NKAIN2: variants seen among roughly 807,000 people sequenced by gnomAD.
The protein encoded by NKAIN2 is sodium/potassium-transporting ATPase subunit beta-1-interacting protein 2.
In NKAIN2, 14 loss-of-function variants were observed where a neutral mutation model predicts 32.6. The observed-to-expected ratio is 0.43, with a 90% CI of 0.28 to 0.67. The LOEUF is 0.67. Among genes scored for constraint, NKAIN2 ranks in the 30% least tolerant of loss-of-function variants. NKAIN2 has a pLI of 0.17. For missense variants in NKAIN2, 198 were observed against 258.3 expected (o/e 0.77, Z 1.60); for synonymous variants, 80 against 87.2 (o/e 0.92, Z 0.46).
intron 2 of NKAIN2, among the ~76,000 whole-genome samples, chr6:124,322,842 G>A (rs371532763): frequency 4.6e-5 from 7 of 152,060 alleles, no homozygotes; most frequent in Non-Finnish European, 1.0e-4. Context: ...TTAAGAAACT[G>A]CCAAATTACT....
chr6:123,940,732 C>G (rs927177548), intron 1 of NKAIN2, among the ~76,000 whole-genome samples: 1 of 151,888 alleles, frequency 6.6e-6, no homozygotes, highest in African/African-American at 2.4e-5. Flanking sequence ...TAGGACTGGA[C>G]GTTGCTTTGA....
intron 5 of NKAIN2, among the ~76,000 whole-genome samples, chr6:124,807,731 A>T (rs1368976869): frequency 1.3e-5 from 2 of 151,840 alleles, no homozygotes; most frequent in Non-Finnish European, 2.9e-5. Context: ...AACAAAATTG[A>T]TAGACCGCTA....
intron 4 of NKAIN2, among the ~76,000 whole-genome samples, chr6:124,734,638 A>G (rs563942690): frequency 2.6e-5 from 4 of 152,032 alleles, no homozygotes; most frequent in Admixed American, 2.6e-4. Flanking sequence ...AGACACTCCA[A>G]GAGTAGGTAG....
At chr6:124,458,044 C>G (rs889523513) in intron 3 of NKAIN2, among the ~76,000 whole-genome samples, 1 of 151,852 alleles carries the variant, frequency 6.6e-6, no homozygotes, top group Non-Finnish European at 1.5e-5. Flanking sequence ...CTGATAGCCT[C>G]TAAACTGAAA....
chr6:124,534,165 A>G (rs1229532844), intron 3 of NKAIN2, among the ~76,000 whole-genome samples: 1 of 150,436 alleles, frequency 6.6e-6, no homozygotes, highest in Non-Finnish European at 1.5e-5. Flanking sequence ...TTTGGGGGGC[A>G]TTGGGGGACA....
intron 1 of NKAIN2, among the ~76,000 whole-genome samples, chr6:124,235,324 A>C (rs904453225): frequency 3.3e-5 from 5 of 152,164 alleles, no homozygotes; most frequent in Non-Finnish European, 7.3e-5. Context: ...TCATGTCTCC[A>C]TACAGAGTAA....
intron 1 of NKAIN2, among the ~76,000 whole-genome samples, chr6:123,883,222 G>T (rs948234481): frequency 6.6e-6 from 1 of 152,046 alleles, no homozygotes; most frequent in Non-Finnish European, 1.5e-5. Context: ...TCGGCTCACT[G>T]CAAGCTCCGC....
intron 1 of NKAIN2, among the ~76,000 whole-genome samples, chr6:124,240,677 CT>C (rs1793037162): frequency 6.6e-6 from 1 of 151,966 alleles, no homozygotes; most frequent in South Asian, 2.1e-4. Flanking sequence ...CAGAAAAGGC[CT>C]TCAAAAAAAT....
chr6:124,673,766 A>G (rs570379850), intron 4 of NKAIN2, among the ~76,000 whole-genome samples: 1 of 151,850 alleles, frequency 6.6e-6, no homozygotes, highest in South Asian at 2.1e-4. Context: ...GAGGTTTATC[A>G]TATATTTTAG....
At chr6:124,133,508 A>G (rs998217318) in intron 1 of NKAIN2, among the ~76,000 whole-genome samples, 38 of 152,262 alleles carry the variant, frequency 2.5e-4, no homozygotes, top group Middle Eastern at 6.8e-3. Flanking sequence ...ACATCTACCC[A>G]CCTGCCTTAG....
chr6:124,448,848 T>C (rs1381389415), intron 3 of NKAIN2, among the ~76,000 whole-genome samples: 3 of 152,132 alleles, frequency 2.0e-5, no homozygotes, highest in Non-Finnish European at 4.4e-5. Flanking sequence ...ATTTAAATTA[T>C]CAGTTCCTGT....
intron 4 of NKAIN2, among the ~76,000 whole-genome samples, chr6:124,702,671 C>T (rs1036205013): frequency 6.6e-6 from 1 of 152,032 alleles, no homozygotes; most frequent in Non-Finnish European, 1.5e-5. Context: ...ATTGTTCTTT[C>T]TCCATTAAAT....
intron 1 of NKAIN2, among the ~76,000 whole-genome samples, chr6:124,047,317 G>T (rs989488104): frequency 2.5e-4 from 38 of 151,894 alleles, no homozygotes; most frequent in African/African-American, 8.9e-4. Context: ...TAGGTAATCT[G>T]CAAATCTCAT....
At chr6:124,241,473 C>A (rs372855893) in intron 1 of NKAIN2, among the ~76,000 whole-genome samples, 3 of 152,088 alleles carry the variant, frequency 2.0e-5, no homozygotes, top group East Asian at 3.9e-4. Flanking sequence ...GGAGGCATCA[C>A]GCTACCTGAC....
chr6:124,619,011 A>C (rs1339138896), intron 3 of NKAIN2, among the ~76,000 whole-genome samples: 2 of 152,062 alleles, frequency 1.3e-5, no homozygotes, highest in Non-Finnish European at 2.9e-5. Flanking sequence ...AAGACACTAA[A>C]TCTAAGGTTT....
At chr6:124,199,956 A>G (rs1209290859) in intron 1 of NKAIN2, among the ~76,000 whole-genome samples, 2 of 152,148 alleles carry the variant, frequency 1.3e-5, no homozygotes, top group African/African-American at 4.8e-5. Flanking sequence ...TATAAATGTT[A>G]TTGTTTGACA....
At chr6:123,912,110 C>G (rs1363469364) in intron 1 of NKAIN2, among the ~76,000 whole-genome samples, 1 of 151,584 alleles carries the variant, frequency 6.6e-6, no homozygotes, top group Non-Finnish European at 1.5e-5. Context: ...ACACCAATTT[C>G]CATGTTTTAC....
At chr6:124,177,195 A>G (rs1043821145) in intron 1 of NKAIN2, among the ~76,000 whole-genome samples, 1 of 152,216 alleles carries the variant, frequency 6.6e-6, no homozygotes, top group Non-Finnish European at 1.5e-5. Flanking sequence ...CATTTATTGT[A>G]AAAATAAACA....
chr6:123,846,844 G>GCACACA (rs34106417), intron 1 of NKAIN2, among the ~76,000 whole-genome samples: 2,254 of 150,726 alleles, frequency 0.015, 23 homozygotes, highest in Middle Eastern at 0.038. Context: ...ACGCACGCGC[G>GCACACA]CACACACACA....
Sources: gnomAD v4.1 joint callset for allele counts (sites outside exome capture counted in the v4.1 genomes callset) on GRCh38, gnomAD v4.1.1 for gene constraint, MANE v1.5 for transcripts, NCBI Gene and HGNC (gene_info 2026-07-23, HGNC 2026-07-21) for gene names.